The following SYT6 variants were observed in gnomAD, a reference collection of about 807,000 sequenced individuals.
SYT6 encodes the protein synaptotagmin-6.
SYT6 carries 24 observed loss-of-function variants against 38.4 expected under a neutral mutation model. The observed-to-expected ratio is 0.62, with a 90% CI of 0.45 to 0.88. The LOEUF is 0.88. SYT6 is among the 40% of genes least tolerant of loss of function. The probability of loss-of-function intolerance (pLI) is 0.00; values close to 1 mark genes in which losing one functional copy is unlikely to be tolerated. For synonymous variants in SYT6, 265 were observed against 241.9 expected (o/e 1.10, Z -0.89); for missense variants, 611 against 621.0 (o/e 0.98, Z 0.17).
At chr1:114,118,282 G>A (rs1048617986) in intron 3 of SYT6, among the ~76,000 whole-genome samples, 4 of 152,226 alleles carry the variant, frequency 2.6e-5, no homozygotes, top group African/African-American at 9.6e-5. Flanking sequence ...CAGGCCGCAT[G>A]TTCTGCCAGA....
chr1:114,110,034 C>T (rs922457355), intron 3 of SYT6, among the ~76,000 whole-genome samples: 13 of 152,174 alleles, frequency 8.5e-5, no homozygotes, highest in Non-Finnish European at 1.8e-4. Context: ...CCAGATGAGG[C>T]TAGAAACAGG....
chr1:114,121,079 G>A (rs1017626845), intron 3 of SYT6, among the ~76,000 whole-genome samples: 2 of 152,224 alleles, frequency 1.3e-5, no homozygotes, highest in Non-Finnish European at 2.9e-5. Flanking sequence ...GGCCCCCAGG[G>A]GGAGGTTGGC....
At chr1:114,095,600 G>A (rs112157552) in intron 6 of SYT6, among the ~76,000 whole-genome samples, 168 of 152,282 alleles carry the variant, frequency 1.1e-3, no homozygotes, top group African/African-American at 3.7e-3. Context: ...GCAAAGATGG[G>A]AAGGGCTTAT....
chr1:114,097,903 A>C, intron 5 of SYT6, 26 bp from the exon 6 acceptor site: 2 of 1,612,702 alleles, frequency 1.2e-6, no homozygotes, highest in Non-Finnish European at 1.7e-6. Context: ...AAGTCCCAGC[A>C]CTGGCTACCA....
intron 6 of SYT6, 106 bp downstream of exon 6, chr1:114,097,621 G>A (rs1675709780): frequency 1.4e-6 from 2 of 1,407,338 alleles, no homozygotes; most frequent in Non-Finnish European, 2.0e-6. Flanking sequence ...TGGCCCTCAT[G>A]CCCACCTTTC....
intron 6 of SYT6, among the ~76,000 whole-genome samples, chr1:114,097,307 C>A (rs1235187205): frequency 2.0e-5 from 3 of 152,244 alleles, no homozygotes; most frequent in African/African-American, 7.2e-5. Flanking sequence ...GTGAAAACTG[C>A]CAAGTGACTT....
intron 1 of SYT6, among the ~76,000 whole-genome samples, chr1:114,148,659 T>G (rs1170866440): frequency 1.3e-5 from 2 of 151,860 alleles, no homozygotes; most frequent in African/African-American, 4.9e-5. Context: ...CATAAAATAC[T>G]AATAATATCA....
chr1:114,143,316 G>A (rs1678969794), intron 1 of SYT6, among the ~76,000 whole-genome samples: 1 of 148,786 alleles, frequency 6.7e-6, no homozygotes, highest in Admixed American at 6.7e-5. Flanking sequence ...ATGTTTACAT[G>A]TGTACATATA....
chr1:114,153,723 G>T lies in SYT6; in HGVS notation c.50C>A (p.Ala17Glu). The stretch of plus-strand genomic sequence containing the variant: ...GGCCCGGCACAGCGAGGCGAGGACC[G>T]CGAGCGCCTCCTGGCACCGAGGCCC... ...AGGPRCQEAL[A>E]VLASLCRARP... Residue 17 changes from alanine to glutamate, a missense_variant, in exon 1 of 8, where the codon GCG becomes GAG. Ala to Glu is a moderately radical substitution (Grantham distance 107). Coordinates refer to ENST00000610222, the MANE Select transcript of SYT6 (RefSeq NM_001253772.2). The T allele has an allele frequency of 1.5e-6, 1 of 682,724 alleles. No individual in the cohort carries two copies. The allele number at this position is 682,724 out of a possible 1,614,324, so 42.3% of individuals were successfully genotyped here.
chr1:114,137,386 C>T, intron 3 of SYT6, 109 bp downstream of exon 3: 1 of 1,313,122 alleles, frequency 7.6e-7, no homozygotes, highest in Non-Finnish European at 1.0e-6. Context: ...TCTTCACATC[C>T]CAAATGGCAA....
At chr1:114,103,211 C>T (rs981039857) in intron 4 of SYT6, among the ~76,000 whole-genome samples, 4 of 152,196 alleles carry the variant, frequency 2.6e-5, no homozygotes, top group Non-Finnish European at 5.9e-5. Flanking sequence ...TGGGGCCTCA[C>T]ATAAATAAGA....
At chr1:114,105,230 A>G (rs993946291) in intron 3 of SYT6, among the ~76,000 whole-genome samples, 7 of 152,112 alleles carry the variant, frequency 4.6e-5, no homozygotes, top group African/African-American at 1.7e-4. Flanking sequence ...GAGAGAGAAG[A>G]GTCGAGGGTG....
At chr1:114,103,060 G>T (rs1468147665) in intron 4 of SYT6, among the ~76,000 whole-genome samples, 1 of 152,192 alleles carries the variant, frequency 6.6e-6, no homozygotes, top group Non-Finnish European at 1.5e-5. Flanking sequence ...CTGAGGCTGA[G>T]GCCAGGAGGC....
intron 1 of SYT6, among the ~76,000 whole-genome samples, chr1:114,144,877 C>A (rs1300899464): frequency 6.6e-6 from 1 of 152,116 alleles, no homozygotes; most frequent in Non-Finnish European, 1.5e-5. Context: ...TCAGTTATCA[C>A]CTCCGAGAAT....
chr1:114,102,095 T>C (rs1347061912), intron 4 of SYT6, among the ~76,000 whole-genome samples: 1 of 152,198 alleles, frequency 6.6e-6, no homozygotes, highest in African/African-American at 2.4e-5. Context: ...ATAGGCTTTC[T>C]CTCCAGCACA....
chr1:114,133,446 C>T (rs1164324912), intron 3 of SYT6, among the ~76,000 whole-genome samples: 1 of 152,164 alleles, frequency 6.6e-6, no homozygotes, highest in Non-Finnish European at 1.5e-5. Flanking sequence ...GATAAATCTA[C>T]AGCTTTATTT....
At chr1:114,113,621 T>G (rs1676818949) in intron 3 of SYT6, among the ~76,000 whole-genome samples, 1 of 152,176 alleles carries the variant, frequency 6.6e-6, no homozygotes, top group Admixed American at 6.5e-5. Flanking sequence ...CCTTCCTCTT[T>G]TGGATTTAGA....
intron 1 of SYT6, among the ~76,000 whole-genome samples, chr1:114,149,326 T>C (rs1411387698): frequency 7.2e-6 from 1 of 138,796 alleles, no homozygotes; most frequent in Non-Finnish European, 1.6e-5. Flanking sequence ...TGTAAGTTTA[T>C]TAGGAGAACC....
rs1675177353 is a variant in SYT6 at position 114,089,525 on chromosome 1, T to A, written c.*2609A>T. The stretch of plus-strand genomic sequence containing the variant: ...ACCTATGTGCAAATGGCCCTGGTTA[T>A]CACAACTTCATCAAAGCTCACAGCA... On this transcript the variant is annotated 3_prime_UTR_variant, in exon 8 of 8. Coordinates refer to ENST00000610222, the MANE Select transcript of SYT6 (RefSeq NM_001253772.2). 1 of 152,380 alleles carries A rather than the reference T, an allele frequency of 6.6e-6. No individual in the cohort carries two copies. Among genetic ancestry groups the A allele is most frequent in the African/African-American group, 2.4e-5 (1 of 41,460 alleles). 9.4% of individuals were successfully genotyped at this position (152,380 alleles called of 1,614,324 possible).
Sources: allele counts gnomAD v4.1 joint callset (sites outside exome capture counted in the v4.1 genomes callset), GRCh38; gene constraint gnomAD v4.1.1; transcripts MANE v1.5; gene names NCBI Gene and HGNC (gene_info 2026-07-23, HGNC 2026-07-21).